The following C2CD5 variants were observed in gnomAD, a reference collection of about 807,000 sequenced individuals.
The protein encoded by C2CD5 is C2 calcium dependent domain containing 5.
In C2CD5, 109 loss-of-function variants were observed where a neutral mutation model predicts 130.3. The ratio of observed to expected loss-of-function variants is 0.84; its 90% CI spans 0.72 to 0.98. The LOEUF (loss-of-function observed/expected upper bound fraction) is 0.98. C2CD5 is among the 50% of genes least tolerant of loss of function. The probability of loss-of-function intolerance (pLI) is 0.00; values close to 1 mark genes in which losing one functional copy is unlikely to be tolerated. For synonymous variants in C2CD5, 454 were observed against 429.2 expected, an observed-to-expected ratio of 1.06 and a Z score of -0.71; for missense variants, 996 against 1,261.8, an observed-to-expected ratio of 0.79 and a Z score of 3.19.
chr12:22,513,803 T>A (rs1194992667), intron 8 of C2CD5, among the ~76,000 whole-genome samples: 1 of 152,140 alleles, frequency 6.6e-6, no homozygotes, highest in Non-Finnish European at 1.5e-5. Flanking sequence ...GCACTACTTG[T>A]GCTCACTGAA....
rs1950651663 is a variant in C2CD5 at position 22,525,642 on chromosome 12, C to T, written c.413G>A (p.Arg138Lys). The change falls in exon 5 of 27, where the codon AGG becomes AAG. Residue 138 changes from arginine to lysine, a missense_variant. By Grantham distance (26) the Arg-to-Lys change is conservative. This residue lies in a region of C2CD5 where 49 missense variants were observed against 52.0 expected (regional missense o/e 0.94). Transcript: ENST00000446597. ...VDLFNDLNRFRQSSCGVKFFC... is the reference protein window; with the variant it reads ...VDLFNDLNRFKQSSCGVKFFC... ...GAATTTGACTCCACATGATGACTGC[C>T]TAAATCGATTTAAATCATTGAAGAG... The T allele has an allele frequency of 1.3e-6, 2 of 1,583,990 alleles. No individual in the cohort carries two copies. The highest frequency in any genetic ancestry group is 1.7e-6 in the Non-Finnish European group (2 of 1,153,184).
chr12:22,457,337 A>AT (rs2136000347), intron 24 of C2CD5, among the ~76,000 whole-genome samples, 176 bp from the exon 25 acceptor site: 1 of 152,340 alleles, frequency 6.6e-6, no homozygotes, highest in African/African-American at 2.4e-5. Context: ...ACAGAAAAAC[A>AT]TGAGAGGAAA....
chr12:22,541,998 T>G (rs73265596), intron 2 of C2CD5, among the ~76,000 whole-genome samples: 3,306 of 152,254 alleles, frequency 0.022, 113 homozygotes, highest in African/African-American at 0.075. Context: ...GCCCCCTTCC[T>G]CACCAGCAAA....
intron 8 of C2CD5, among the ~76,000 whole-genome samples, chr12:22,514,146 A>C (rs1949478444): frequency 6.6e-6 from 1 of 152,146 alleles, no homozygotes; most frequent in Non-Finnish European, 1.5e-5. Flanking sequence ...AACTATGGTC[A>C]AACAATCATA....
chr12:22,530,111 T>TATATACATACAC (rs1301636778), intron 3 of C2CD5, among the ~76,000 whole-genome samples: 1 of 87,554 alleles, frequency 1.1e-5, no homozygotes, highest in Non-Finnish European at 2.0e-5. Flanking sequence ...TATATATATA[T>TATATACATACAC]ACACACACAC....
At position 22,458,489 on chromosome 12, in the gene C2CD5, T is replaced by C; in HGVS notation, c.2681A>G (p.Lys894Arg). ...TGGTAGAAACATCCGCCTACTTGTC[T>C]TAATTGATCCACGCCTTATGGTCTG... ...KAQTIRRGSI[K>R]TTMTVEKASP... Residue 894 changes from lysine to arginine, a missense_variant, in exon 24 of 27, where the codon AAG (lysine) becomes AGG (arginine). Physicochemically the swap from Lys to Arg is conservative, Grantham distance 26. Coordinates refer to ENST00000446597, the MANE Select transcript of C2CD5 (RefSeq NM_001286176.2). The C allele has an allele frequency of 4.0e-6, 5 of 1,256,538 alleles. No individual in the cohort carries two copies. Among genetic ancestry groups the C allele is most frequent in the Non-Finnish European group, 5.0e-6 (5 of 994,018 alleles). The allele number at this position is 1,256,538 out of a possible 1,614,324, so 77.8% of individuals were successfully genotyped here. A position where few individuals can be genotyped will look rare whatever the true frequency, so the allele number is the denominator to read the frequency against.
chr12:22,523,872 TA>T (rs1477463928), intron 6 of C2CD5, among the ~76,000 whole-genome samples: 1 of 150,518 alleles, frequency 6.6e-6, no homozygotes, highest in Non-Finnish European at 1.5e-5. Flanking sequence ...TAAAAACAAA[TA>T]TATTTGCTAT....
At chr12:22,491,789 T>C (rs951800430) in intron 11 of C2CD5, among the ~76,000 whole-genome samples, 2 of 151,974 alleles carry the variant, frequency 1.3e-5, no homozygotes, top group East Asian at 1.9e-4. Flanking sequence ...GGAGAATCAC[T>C]TGAACCCGGG....
At chr12:22,499,993 G>C (rs1406284633) in intron 10 of C2CD5, among the ~76,000 whole-genome samples, 1 of 152,098 alleles carries the variant, frequency 6.6e-6, no homozygotes, top group Non-Finnish European at 1.5e-5. Flanking sequence ...TTCGAGATCA[G>C]CCTGGCCAAC....
At chr12:22,497,907 TACACACACAC>T (rs3063916) in intron 10 of C2CD5, among the ~76,000 whole-genome samples, 232 of 145,720 alleles carry the variant, frequency 1.6e-3, no homozygotes, top group African/African-American at 4.8e-3. Context: ...TGCACACACA[TACACACACAC>T]ACACACACAC....
At chr12:22,472,938 A>T in intron 16 of C2CD5, 131 bp from the exon 17 acceptor site, 2 of 615,220 alleles carry the variant, frequency 3.3e-6, no homozygotes, top group Non-Finnish European at 5.8e-6. Flanking sequence ...ACAAGAAAAA[A>T]ATTCTAATAT....
chr12:22,510,739 C>T (rs916718046), intron 9 of C2CD5, among the ~76,000 whole-genome samples: 2 of 152,092 alleles, frequency 1.3e-5, no homozygotes, highest in African/African-American at 2.4e-5. Context: ...AATGTACTTG[C>T]GAAATACTAG....
Position 22,471,984 on chromosome 12 carries a change from A to G in C2CD5, c.2251T>C (p.Cys751Arg). The G allele has an allele frequency of 6.2e-7, 1 of 1,601,096 alleles. No homozygotes were observed. Among genetic ancestry groups the G allele is most frequent in the Non-Finnish European group, 8.6e-7 (1 of 1,168,790 alleles). ...QALNKNFNDL[C>R]ENLLKSLYFK... The stretch of plus-strand genomic sequence containing the variant: ...GTTCCTACCTTGAGCAAATTTTCAC[A>G]GAGATCATTAAAGTTCTTATTGAGA... The change falls in exon 19 of 27, where the codon TGT becomes CGT. Residue 751 changes from cysteine (C) to arginine (R), a missense_variant. Physicochemically the swap from Cys to Arg is radical, Grantham distance 180. Around this residue, in one of 9 missense-constraint regions of C2CD5, gnomAD observed 590 missense variants for 631.4 expected, o/e 0.93. Transcript: ENST00000446597.
At chr12:22,466,596 T>C (rs1018164212) in intron 22 of C2CD5, among the ~76,000 whole-genome samples, 4 of 152,180 alleles carry the variant, frequency 2.6e-5, no homozygotes, top group African/African-American at 9.7e-5. Flanking sequence ...AAACCTATCT[T>C]ACCCTCAAAT....
chr12:22,481,098 C>T (rs564508308), intron 14 of C2CD5, among the ~76,000 whole-genome samples: 1 of 152,272 alleles, frequency 6.6e-6, no homozygotes, highest in Admixed American at 6.5e-5. Flanking sequence ...AGTCACCATG[C>T]CCGGCCTATG....
chr12:22,454,675 C>T (rs1346923616), intron 25 of C2CD5, among the ~76,000 whole-genome samples: 1 of 151,466 alleles, frequency 6.6e-6, no homozygotes, highest in Non-Finnish European at 1.5e-5. Flanking sequence ...AGTTGAAGTC[C>T]ATTATATACT....
At chr12:22,490,356 G>A in intron 11 of C2CD5, 138 bp from the exon 12 acceptor site, 1 of 497,494 alleles carries the variant, frequency 2.0e-6, no homozygotes, top group East Asian at 3.3e-5. Flanking sequence ...ATATTTACGA[G>A]GTTTACCTCC....
chr12:22,517,998 TC>T lies in C2CD5; in HGVS notation c.939del (p.Thr314HisfsTer22). On this transcript the variant is annotated frameshift_variant, in exon 8 of 27. Coordinates refer to ENST00000446597, the MANE Select transcript of C2CD5 (RefSeq NM_001286176.2). LOFTEE classifies it high-confidence loss of function. ...GGAAGCGCCTTACCAGTTTTGGGTG[TC>T]AAACTCAAATCTGTGTCAGAAGAAG... ...QSSSSDTDLS[L>X]TPKTGMGSGS... The T allele has an allele frequency of 6.2e-7, 1 of 1,612,976 alleles. No homozygotes were observed. The highest frequency in any genetic ancestry group is 8.5e-7 in the Non-Finnish European group (1 of 1,179,464).
intron 12 of C2CD5, 122 bp from the exon 13 acceptor site, chr12:22,485,010 G>A (rs1945283175): frequency 4.5e-6 from 2 of 443,610 alleles, no homozygotes; most frequent in South Asian, 6.8e-5. Context: ...TTCTACTGCT[G>A]TAGGCTACAA....
Sources: gnomAD v4.1 joint callset for allele counts (sites outside exome capture counted in the v4.1 genomes callset) on GRCh38, gnomAD v4.1.1 for gene constraint, gnomAD v4.1.1 regional missense constraint, MANE v1.5 for transcripts, NCBI Gene and HGNC (gene_info 2026-07-23, HGNC 2026-07-21) for gene names.